Variants in DLGAP4 observed in about 807,000 individuals in gnomAD.
DLGAP4 encodes disks large-associated protein 4.
In DLGAP4, 18 loss-of-function variants were observed where a neutral mutation model predicts 86.9. The ratio of observed to expected loss-of-function variants is 0.21; its 90% CI spans 0.14 to 0.31. The LOEUF (loss-of-function observed/expected upper bound fraction) is 0.31, where lower values mean the gene tolerates loss of function less well. Among genes scored for constraint, DLGAP4 ranks in the 10% least tolerant of loss-of-function variants. The pLI, the probability that DLGAP4 is intolerant of heterozygous loss-of-function variation, is 1.00. For synonymous variants in DLGAP4, 548 were observed against 574.3 expected (o/e 0.95, Z 0.65); for missense variants, 1,085 against 1,362.6 (o/e 0.80, Z 3.21).
chr20:36,435,908 G>GCCTGGGA (rs1198132686), intron 3 of DLGAP4, among the ~76,000 whole-genome samples: 1 of 152,162 alleles, frequency 6.6e-6, no homozygotes, highest in Non-Finnish European at 1.5e-5. Flanking sequence ...AGAAATCCCA[G>GCCTGGGA]GCTGGAGAGG....
chr20:36,454,946 T>G (rs1336686627), intron 7 of DLGAP4, among the ~76,000 whole-genome samples: 1 of 151,966 alleles, frequency 6.6e-6, no homozygotes, highest in Non-Finnish European at 1.5e-5. Flanking sequence ...CAGAAATAGC[T>G]CTGGCAGGTG....
intron 7 of DLGAP4, among the ~76,000 whole-genome samples, chr20:36,480,871 T>C (rs1569514348): frequency 6.6e-6 from 1 of 152,014 alleles, no homozygotes; most frequent in Non-Finnish European, 1.5e-5. Context: ...CCAGGCATGG[T>C]GGTGCACCCC....
chr20:36,321,475 C>T (rs946862753), intron 1 of DLGAP4, among the ~76,000 whole-genome samples: 8 of 152,256 alleles, frequency 5.3e-5, no homozygotes, highest in Non-Finnish European at 8.8e-5. Context: ...GGTTCCACAG[C>T]CACTCGCCAG....
At chr20:36,419,124 T>C (rs763577462) in intron 2 of DLGAP4, among the ~76,000 whole-genome samples, 7 of 151,966 alleles carry the variant, frequency 4.6e-5, no homozygotes, top group East Asian at 1.9e-4. Context: ...TTCTTTCTTT[T>C]TTTTTTCTTT....
intron 7 of DLGAP4, among the ~76,000 whole-genome samples, chr20:36,467,887 C>T (rs1035645996): frequency 6.6e-6 from 1 of 152,346 alleles, no homozygotes; most frequent in Non-Finnish European, 1.5e-5. Context: ...ATGGACTTCC[C>T]ATCCCTGTTT....
intron 1 of DLGAP4, among the ~76,000 whole-genome samples, chr20:36,333,238 C>T (rs1295893462): frequency 1.3e-5 from 2 of 152,180 alleles, no homozygotes; most frequent in African/African-American, 2.4e-5. Flanking sequence ...GGGCAGCATA[C>T]TCATCCTGCT....
chr20:36,472,338 T>TA (rs1016381377), intron 7 of DLGAP4, among the ~76,000 whole-genome samples: 8 of 151,860 alleles, frequency 5.3e-5, no homozygotes, highest in South Asian at 2.1e-4. Flanking sequence ...GCCGTCTCTA[T>TA]AAAAAAATAC....
chr20:36,523,603 C>G (rs1453331273), intron 10 of DLGAP4, among the ~76,000 whole-genome samples: 2 of 152,186 alleles, frequency 1.3e-5, no homozygotes, highest in Admixed American at 1.3e-4. Context: ...AAACTACTTA[C>G]ACCTAGTTCC....
chr20:36,425,247 C>A (rs1414193761), intron 2 of DLGAP4, among the ~76,000 whole-genome samples: 1 of 152,068 alleles, frequency 6.6e-6, no homozygotes, highest in Non-Finnish European at 1.5e-5. Flanking sequence ...TGACAAACAA[C>A]CCAATTATAA....
Position 36,499,654 on chromosome 20 carries a change from G to T in DLGAP4, c.2077G>T (p.Val693Phe), listed in dbSNP as rs763050192. The T allele has an allele frequency of 6.2e-7, 1 of 1,613,750 alleles. No individual in the cohort carries two copies. The highest frequency in any genetic ancestry group is 8.5e-7 in the Non-Finnish European group (1 of 1,179,946). The change falls in exon 9 of 13, where the codon GTT (valine) becomes TTT (phenylalanine). Residue 693 changes from valine to phenylalanine, a missense_variant. Val to Phe is a conservative substitution (Grantham distance 50). Transcript: ENST00000339266. ...CGCTACCAAATTCCAGTCCATCGGGGTTCAGGTAGAGGACGACTGGCGGTA... is the reference window on the plus strand; with the variant it reads ...CGCTACCAAATTCCAGTCCATCGGGTTTCAGGTAGAGGACGACTGGCGGTA... Reference protein sequence around the residue: ...SPATKFQSIGVQVEDDWRSSV... With the variant: ...SPATKFQSIGFQVEDDWRSSV...
chr20:36,461,198 A>AGCCCCCCCCCCCCC (rs2034023221), intron 7 of DLGAP4: 1 of 150,990 alleles, frequency 6.6e-6, no homozygotes. Flanking sequence ...AGGGGCGGCG[A>AGCCCCCCCCCCCCC]CCCCACCCCC....
At chr20:36,336,338 G>A (rs1348392168) in intron 1 of DLGAP4, among the ~76,000 whole-genome samples, 3 of 152,050 alleles carry the variant, frequency 2.0e-5, no homozygotes, top group Admixed American at 1.3e-4. Context: ...GGACCCTTGC[G>A]CTTGCTGTTT....
At position 36,439,628 on chromosome 20, in the gene DLGAP4, G is replaced by GCCAC. The variant is rs566784578; in HGVS notation, c.1242-123_1242-120dup. 6.6e-6 allele frequency: 5 copies of GCCAC among 760,466 alleles called. 1 individual carries two copies. The highest frequency in any genetic ancestry group is 5.2e-5 in the African/African-American group (3 of 57,932). The allele number at this position is 760,466 out of a possible 1,614,324, so 47.1% of individuals were successfully genotyped here. A position where few individuals can be genotyped will look rare whatever the true frequency, so the allele number is the denominator to read the frequency against. Reference sequence around the variant, plus strand: ...AAACAGTCAAATACAAGCTGGTGCTGCCACCCTGCGGCTGCAGCGGGCATC... The same window carrying GCCAC: ...AAACAGTCAAATACAAGCTGGTGCTGCCACCCACCCTGCGGCTGCAGCGGGCATC... On this transcript the variant is annotated intron_variant, in intron 4 of 12. Coordinates refer to ENST00000339266, the MANE Select transcript of DLGAP4 (RefSeq NM_001365621.2).
At chr20:36,422,857 G>A (rs1342164413) in intron 2 of DLGAP4, among the ~76,000 whole-genome samples, 3 of 152,200 alleles carry the variant, frequency 2.0e-5, no homozygotes, top group Non-Finnish European at 4.4e-5. Flanking sequence ...ATGGGCACCC[G>A]GGTGGGCCTA....
intron 1 of DLGAP4, among the ~76,000 whole-genome samples, chr20:36,366,489 A>G (rs567929680): frequency 7.9e-5 from 12 of 152,200 alleles, no homozygotes; most frequent in Admixed American, 2.0e-4. Flanking sequence ...GATGCAGTGA[A>G]GGGCCTCTTA....
intron 7 of DLGAP4, among the ~76,000 whole-genome samples, chr20:36,487,187 CCT>C (rs917060198): frequency 1.3e-5 from 2 of 152,088 alleles, no homozygotes; most frequent in Non-Finnish European, 1.5e-5. Flanking sequence ...TTCAGGGCCC[CCT>C]CTCTGGGAGA....
In DLGAP4 at chr20:36,439,658, G is replaced by A. The variant is rs919793277; in HGVS notation, c.1242-96G>A. 3 of 1,048,726 alleles carry A rather than the reference G, an allele frequency of 2.9e-6. No homozygotes were observed. The African/African-American group carries it at 4.7e-5, about 17-fold the overall frequency. The allele number at this position is 1,048,726 out of a possible 1,614,324, so 65.0% of individuals were successfully genotyped here. The stretch of plus-strand genomic sequence containing the variant: ...CCTGCGGCTGCAGCGGGCATCACAG[G>A]TGTGGACCACCTGTGCATCACAGAT... On this transcript the variant is annotated intron_variant, in intron 4 of 12. Coordinates refer to ENST00000339266, the MANE Select transcript of DLGAP4 (RefSeq NM_001365621.2).
intron 1 of DLGAP4, among the ~76,000 whole-genome samples, chr20:36,322,615 T>A (rs1295575220): frequency 6.6e-6 from 1 of 152,138 alleles, no homozygotes; most frequent in Non-Finnish European, 1.5e-5. Context: ...AAATGGTAGC[T>A]CATATAATGT....
At chr20:36,506,391 T>G (rs942171921) in intron 10 of DLGAP4, among the ~76,000 whole-genome samples, 2 of 152,254 alleles carry the variant, frequency 1.3e-5, no homozygotes, top group African/African-American at 4.8e-5. Context: ...TTTTATGATG[T>G]TTCTGGATAA....
Sources: gnomAD v4.1 joint callset for allele counts (sites outside exome capture counted in the v4.1 genomes callset) on GRCh38, gnomAD v4.1.1 for gene constraint, MANE v1.5 for transcripts, NCBI Gene and HGNC (gene_info 2026-07-23, HGNC 2026-07-21) for gene names.